The following GPATCH2 variants were observed in gnomAD, a reference collection of about 807,000 sequenced individuals.
GPATCH2 encodes the protein G patch domain-containing protein 2.
In GPATCH2, 51 loss-of-function variants were observed where a neutral mutation model predicts 58.0. The ratio of observed to expected loss-of-function variants is 0.88; its 90% CI spans 0.70 to 1.11. The LOEUF (loss-of-function observed/expected upper bound fraction) is 1.11. Among genes scored for constraint, GPATCH2 ranks in the 50% most tolerant of loss-of-function variants. GPATCH2 has a pLI of 0.00. For missense variants in GPATCH2, 625 were observed against 652.2 expected, an observed-to-expected ratio of 0.96 and a Z score of 0.45; for synonymous variants, 222 against 218.5, an observed-to-expected ratio of 1.02 and a Z score of -0.14.
chr1:217,532,154 T>C (rs916664276), intron 5 of GPATCH2, among the ~76,000 whole-genome samples: 4 of 152,168 alleles, frequency 2.6e-5, no homozygotes, highest in Non-Finnish European at 4.4e-5. Context: ...AGGGGTACTG[T>C]TTTATTCTTT....
In GPATCH2 at chr1:217,428,105, G is replaced by A. The variant is rs967248257; in HGVS notation, c.*3040C>T. On this transcript the variant is annotated 3_prime_UTR_variant, in exon 10 of 10. Transcript: ENST00000366935. ...GGGAGCAGAAAAGAAGGAAACAAAT[G>A]ACTCCAGCACACAGTCTGGTCATTA... The A allele has an allele frequency of 1.3e-5, 2 of 152,152 alleles. No individual in the cohort carries two copies. The highest frequency in any genetic ancestry group is 4.8e-5 in the African/African-American group (2 of 41,440). The allele number at this position is 152,152 out of a possible 1,614,324, so 9.4% of individuals were successfully genotyped here.
At chr1:217,452,948 A>G (rs1035680849) in intron 8 of GPATCH2, among the ~76,000 whole-genome samples, 15 of 152,136 alleles carry the variant, frequency 9.9e-5, no homozygotes, top group African/African-American at 3.6e-4. Context: ...GATCCATAAG[A>G]TCACCCCATT....
rs531841811 is a variant in GPATCH2 at position 217,617,282 on chromosome 1, T to C, written c.773+2501A>G. ...GCACAAGCTGCTCCCTCTCTACCTA[T>C]GAATGCCATTTCCCTCTCTTCTCTT... On this transcript the variant is annotated intron_variant, in intron 2 of 9. Coordinates refer to ENST00000366935, the MANE Select transcript of GPATCH2 (RefSeq NM_018040.5). Among the ~76,000 whole-genome samples the C allele has an allele frequency of 3.3e-4, 51 of 152,328 alleles. No homozygotes were observed. In the South Asian group the frequency reaches 9.7e-3, roughly 29 times the overall value.
intron 5 of GPATCH2, among the ~76,000 whole-genome samples, chr1:217,600,287 A>G (rs904736201): frequency 1.3e-5 from 2 of 152,146 alleles, no homozygotes; most frequent in East Asian, 1.9e-4. Context: ...ACCTGTTGGC[A>G]TCTCTGGTTT....
chr1:217,555,219 A>G (rs1007458345), intron 5 of GPATCH2, among the ~76,000 whole-genome samples: 1 of 152,218 alleles, frequency 6.6e-6, no homozygotes, highest in African/African-American at 2.4e-5. Context: ...GTAAGCTAGC[A>G]TCATAATTTA....
At chr1:217,501,144 T>C (rs1662281449) in intron 6 of GPATCH2, among the ~76,000 whole-genome samples, 1 of 152,150 alleles carries the variant, frequency 6.6e-6, no homozygotes, top group African/African-American at 2.4e-5. Flanking sequence ...TAACCCATTC[T>C]CTATTTTTAT....
chr1:217,520,375 C>T (rs181740317), intron 5 of GPATCH2, among the ~76,000 whole-genome samples: 79 of 152,210 alleles, frequency 5.2e-4, no homozygotes, highest in Non-Finnish European at 9.4e-4. Context: ...CTCAGTTTTC[C>T]AATGGAGAAA....
chr1:217,480,382 A>C (rs1269321526), intron 8 of GPATCH2, among the ~76,000 whole-genome samples: 1 of 152,230 alleles, frequency 6.6e-6, no homozygotes, highest in Non-Finnish European at 1.5e-5. Flanking sequence ...GCAAACAGGC[A>C]TATGAAATGG....
intron 7 of GPATCH2, among the ~76,000 whole-genome samples, chr1:217,496,288 T>C (rs1662001944): frequency 6.6e-6 from 1 of 152,242 alleles, no homozygotes; most frequent in Non-Finnish European, 1.5e-5. Context: ...GCTTTTGCAG[T>C]CATTTGCAGA....
intron 5 of GPATCH2, among the ~76,000 whole-genome samples, chr1:217,606,751 A>C (rs1169483471): frequency 1.3e-5 from 2 of 152,078 alleles, no homozygotes; most frequent in Admixed American, 1.3e-4. Context: ...AAAAAAAAGA[A>C]ATACCAGAAA....
intron 5 of GPATCH2, among the ~76,000 whole-genome samples, chr1:217,562,290 AT>A (rs1223002226): frequency 1.3e-5 from 2 of 152,174 alleles, no homozygotes; most frequent in Non-Finnish European, 2.9e-5. Flanking sequence ...AGAGCATATT[AT>A]TTTGTAACTT....
intron 1 of GPATCH2, among the ~76,000 whole-genome samples, chr1:217,624,067 C>T: frequency 6.6e-6 from 1 of 152,126 alleles, no homozygotes; most frequent in Non-Finnish European, 1.5e-5. Context: ...AAAATACAGA[C>T]TTAACAAGTC....
chr1:217,627,019 C>T (rs1669500571), intron 1 of GPATCH2, among the ~76,000 whole-genome samples: 1 of 151,730 alleles, frequency 6.6e-6, no homozygotes, highest in Non-Finnish European at 1.5e-5. Context: ...CTACAGAGAA[C>T]ATGAGCTTAG....
At chr1:217,531,537 T>G (rs1393831459) in intron 5 of GPATCH2, among the ~76,000 whole-genome samples, 2 of 152,072 alleles carry the variant, frequency 1.3e-5, no homozygotes, top group African/African-American at 2.4e-5. Context: ...TCTCATGAAA[T>G]AGTACACAAA....
intron 5 of GPATCH2, among the ~76,000 whole-genome samples, chr1:217,527,675 C>T (rs1663984397): frequency 6.6e-6 from 1 of 152,128 alleles, no homozygotes; most frequent in Admixed American, 6.5e-5. Flanking sequence ...GTACACCAAG[C>T]TCAATCCCTA....
At chr1:217,555,267 C>T (rs541158041) in intron 5 of GPATCH2, among the ~76,000 whole-genome samples, 1 of 152,248 alleles carries the variant, frequency 6.6e-6, no homozygotes, top group South Asian at 2.1e-4. Flanking sequence ...CTGTCTATAT[C>T]TTATTTTATT....
At chr1:217,502,281 T>C (rs1420225342) in intron 6 of GPATCH2, among the ~76,000 whole-genome samples, 2 of 152,112 alleles carry the variant, frequency 1.3e-5, no homozygotes, top group African/African-American at 4.8e-5. Context: ...TTGATAAGAA[T>C]TGCATTAAAC....
At chr1:217,514,694 T>C (rs1002763459) in intron 6 of GPATCH2, 128 bp downstream of exon 6, 2 of 488,272 alleles carry the variant, frequency 4.1e-6, no homozygotes, top group Non-Finnish European at 7.6e-6. Context: ...TTATTATCAA[T>C]GGTAAATTAT....
Position 217,619,843 on chromosome 1 carries a change from G to T in GPATCH2, c.713C>A (p.Thr238Asn). 1 of 1,613,240 alleles carries T rather than the reference G, an allele frequency of 6.2e-7. No homozygotes were observed. Among genetic ancestry groups the T allele is most frequent in the Non-Finnish European group, 8.5e-7 (1 of 1,179,620 alleles). The part of the protein sequence containing the change: ...VVLESEETNQ[T>N]NKDKMECEEQ... The stretch of plus-strand genomic sequence containing the variant: ...TTCACATTCCATTTTGTCCTTATTG[G>T]TCTGGTTCGTTTCCTCACTTTCTAA... The change falls in exon 2 of 10, where the codon ACC (threonine) becomes AAC (asparagine). Residue 238 changes from threonine (T) to asparagine (N), a missense_variant. Physicochemically the swap from Thr to Asn is moderately conservative, Grantham distance 65. Coordinates refer to ENST00000366935, the MANE Select transcript of GPATCH2 (RefSeq NM_018040.5).
Sources: gnomAD v4.1 joint callset for allele counts (sites outside exome capture counted in the v4.1 genomes callset) on GRCh38, gnomAD v4.1.1 for gene constraint, MANE v1.5 for transcripts, NCBI Gene and HGNC (gene_info 2026-07-23, HGNC 2026-07-21) for gene names.